Variants in SEM1 observed in about 807,000 individuals in gnomAD.
SEM1 encodes SEM1 26S proteasome subunit.
Under a neutral mutation model 12.7 loss-of-function variants are expected in SEM1, and 3 were observed. The observed-to-expected ratio is 0.24, with a 90% CI of 0.11 to 0.61. SEM1 has a LOEUF of 0.61. Ranked by LOEUF, SEM1 falls within the 20% of genes least tolerant of loss-of-function variation. SEM1 has a pLI of 0.88. For synonymous variants in SEM1, 30 were observed against 27.8 expected, an observed-to-expected ratio of 1.08 and a Z score of -0.25; for missense variants, 59 against 81.3, an observed-to-expected ratio of 0.73 and a Z score of 1.06.
At chr7:96,507,625 C>G (rs1001103423) in intron 2 of SEM1, among the ~76,000 whole-genome samples, 1 of 152,250 alleles carries the variant, frequency 6.6e-6, no homozygotes, top group African/African-American at 2.4e-5. Context: ...TGGCTACTAT[C>G]CCTAGTCTTC....
At chr7:96,657,780 G>GTGA (rs1173525869) in intron 2 of SEM1, among the ~76,000 whole-genome samples, 2 of 152,194 alleles carry the variant, frequency 1.3e-5, no homozygotes, top group Non-Finnish European at 1.5e-5. Flanking sequence ...GCTAATTGGG[G>GTGA]TGATGACCAC....
intron 1 of SEM1, among the ~76,000 whole-genome samples, chr7:96,702,610 A>T (rs1197598713): frequency 6.6e-6 from 1 of 152,218 alleles, no homozygotes; most frequent in Non-Finnish European, 1.5e-5. Context: ...ACACTGCTAT[A>T]CATTTTTTAA....
rs1299195166 is a variant in SEM1 at position 96,680,861 on chromosome 7, G to A, written c.171-7002C>T. On this transcript the variant is annotated intron_variant, in intron 2 of 2. Coordinates refer to the SEM1 transcript ENST00000413065. ...ATATTCTGGCCATTGTTTGTCATTA[G>A]TTTCTGACACACAAGGAGTTGGCTA... 2.6e-5 allele frequency among the ~76,000 whole-genome samples: 4 copies of A among 152,228 alleles called. No homozygotes were observed. In the East Asian group the frequency reaches 7.7e-4, roughly 29 times the overall value.
At chr7:96,483,809 A>T in exon 4 of SEM1, 1 of 1,535,288 alleles carries the variant, frequency 6.5e-7, no homozygotes. Flanking sequence ...TTACTTCAAT[A>T]GATGTGGGCA....
intron 2 of SEM1, among the ~76,000 whole-genome samples, chr7:96,641,819 CT>C (rs201575352): frequency 6.6e-6 from 1 of 151,162 alleles, no homozygotes; most frequent in African/African-American, 2.4e-5. Flanking sequence ...TATTCTTGTG[CT>C]TTTTTTTAAT....
intron 2 of SEM1, among the ~76,000 whole-genome samples, chr7:96,549,329 T>A (rs1475888182): frequency 6.6e-6 from 1 of 152,188 alleles, no homozygotes; most frequent in African/African-American, 2.4e-5. Context: ...GCACCATGTC[T>A]GCTGAGAGCC....
downstream of SEM1, among the ~76,000 whole-genome samples, chr7:96,683,944 T>A (rs1024401822): frequency 1.3e-5 from 2 of 152,002 alleles, no homozygotes; most frequent in Non-Finnish European, 2.9e-5. Context: ...GGTTGATGGG[T>A]CAGCAAACCA....
At chr7:96,482,130 G>A (rs558521652) in exon 4 of SEM1, 1 of 152,292 alleles carries the variant, frequency 6.6e-6, no homozygotes, top group Admixed American at 6.5e-5. Context: ...GAATTCTGAA[G>A]CAACATCATC....
At chr7:96,705,606 T>TC (rs1338394291) in intron 1 of SEM1, among the ~76,000 whole-genome samples, 1 of 152,034 alleles carries the variant, frequency 6.6e-6, no homozygotes, top group African/African-American at 2.4e-5. Flanking sequence ...GGCGGGCGGA[T>TC]CACCAGGTCA....
downstream of SEM1, among the ~76,000 whole-genome samples, chr7:96,685,688 C>T (rs1789742436): frequency 6.7e-6 from 1 of 149,686 alleles, no homozygotes; most frequent in African/African-American, 2.5e-5. Context: ...AAGATTAACA[C>T]ATATAAATAG....
At chr7:96,570,025 T>C (rs1470517568) in intron 2 of SEM1, among the ~76,000 whole-genome samples, 1 of 152,092 alleles carries the variant, frequency 6.6e-6, no homozygotes, top group Non-Finnish European at 1.5e-5. Context: ...ATTTACTTCC[T>C]TTTGGGTATA....
In SEM1 at chr7:96,650,278, G is replaced by T. The variant is rs368719434; in HGVS notation, c.171-27635C>A. On this transcript the variant is annotated intron_variant, in intron 2 of 2. Coordinates refer to the SEM1 transcript ENST00000417009. ...AGAACAAACTATGGGAAATTCCGCTGCACAAGACTTGAAACAATCCCTCTC... is the reference window on the plus strand; with the variant it reads ...AGAACAAACTATGGGAAATTCCGCTTCACAAGACTTGAAACAATCCCTCTC... 4 of 468,108 alleles carry T rather than the reference G, an allele frequency of 8.5e-6. No individual in the cohort carries two copies. The East Asian group carries it at 1.0e-4, about 12-fold the overall frequency. 29.0% of individuals were successfully genotyped at this position (468,108 alleles called of 1,614,324 possible).
chr7:96,522,016 G>T (rs1285514195), intron 2 of SEM1, among the ~76,000 whole-genome samples: 2 of 152,042 alleles, frequency 1.3e-5, no homozygotes, highest in Non-Finnish European at 2.9e-5. Context: ...AGATCTTAGA[G>T]AAAGAGAAGA....
chr7:96,598,407 T>C (rs531759862), intron 2 of SEM1, among the ~76,000 whole-genome samples: 163 of 151,302 alleles, frequency 1.1e-3, no homozygotes, highest in Admixed American at 1.8e-3. Context: ...TTTTTTTTTT[T>C]TTCCCCCAAA....
intron 2 of SEM1, among the ~76,000 whole-genome samples, chr7:96,638,377 A>G (rs1177175753): frequency 6.6e-6 from 1 of 151,932 alleles, no homozygotes; most frequent in East Asian, 1.9e-4. Context: ...TCTATTTGGG[A>G]TTTCTAATTC....
intron 1 of SEM1, among the ~76,000 whole-genome samples, chr7:96,490,776 T>G (rs1237970381): frequency 6.6e-6 from 1 of 152,084 alleles, no homozygotes; most frequent in Non-Finnish European, 1.5e-5. Context: ...AGGCTTATTT[T>G]GGATGAGGTG....
intron 1 of SEM1, among the ~76,000 whole-genome samples, chr7:96,705,852 G>C (rs909449640): frequency 2.6e-5 from 4 of 151,550 alleles, no homozygotes; most frequent in African/African-American, 7.3e-5. Flanking sequence ...ATAAATTATA[G>C]ACTACTTCAG....
At chr7:96,645,892 T>C (rs1479192666) in intron 2 of SEM1, 3 of 398,262 alleles carry the variant, frequency 7.5e-6, no homozygotes, top group African/African-American at 2.1e-5. Flanking sequence ...CTTCTCAGTC[T>C]TGCAGAATGC....
intron 2 of SEM1, among the ~76,000 whole-genome samples, chr7:96,694,202 G>A (rs537656047): frequency 2.0e-5 from 3 of 152,044 alleles, no homozygotes; most frequent in African/African-American, 7.2e-5. Context: ...AAGAAAGAAC[G>A]TGGAATGACT....
Sources: allele counts gnomAD v4.1 joint callset (sites outside exome capture counted in the v4.1 genomes callset), GRCh38; gene constraint gnomAD v4.1.1; transcripts MANE v1.5; gene names NCBI Gene and HGNC (gene_info 2026-07-23, HGNC 2026-07-21).